Variants in PPIL6 observed in about 807,000 individuals in gnomAD.
The protein encoded by PPIL6 is probable inactive peptidyl-prolyl cis-trans isomerase-like 6.
PPIL6 carries 39 observed loss-of-function variants against 36.8 expected under a neutral mutation model. That is an observed-to-expected ratio of 1.06 (90% CI 0.82 to 1.38). The LOEUF is 1.38. Among genes scored for constraint, PPIL6 ranks in the 40% most tolerant of loss-of-function variants. The pLI, the probability that PPIL6 is intolerant of heterozygous loss-of-function variation, is 0.00. For synonymous variants in PPIL6, 123 were observed against 134.1 expected, an observed-to-expected ratio of 0.92 and a Z score of 0.57; for missense variants, 368 against 379.1, an observed-to-expected ratio of 0.97 and a Z score of 0.24.
intron 7 of PPIL6, among the ~76,000 whole-genome samples, chr6:109,399,147 G>A (rs6929023): frequency 0.31 from 47,025 of 151,604 alleles, 7,431 homozygotes; most frequent in Middle Eastern, 0.41. Context: ...TTGCTCTGTC[G>A]CCCAGGATGG....
At position 109,391,085 on chromosome 6, in the gene PPIL6, G is replaced by A. The variant is rs957486118; in HGVS notation, c.*1741C>T. The A allele has an allele frequency of 3.3e-5, 5 of 151,814 alleles. No individual in the cohort carries two copies. Among genetic ancestry groups the A allele is most frequent in the African/African-American group, 7.3e-5 (3 of 41,334 alleles). 9.4% of individuals were successfully genotyped at this position (151,814 alleles called of 1,614,324 possible). On this transcript the variant is annotated 3_prime_UTR_variant, in exon 8 of 8. Coordinates refer to ENST00000521072, the MANE Select transcript of PPIL6 (RefSeq NM_173672.5). ...GGGCGGATCACGAGGTCACAAGATCGGGACCATCCTGGCTAACATGGTGAA... is the reference window on the plus strand; with the variant it reads ...GGGCGGATCACGAGGTCACAAGATCAGGACCATCCTGGCTAACATGGTGAA...
chr6:109,401,026 A>ATTTTTTTTTTTTTT (rs749611966), intron 6 of PPIL6, among the ~76,000 whole-genome samples: 44 of 114,918 alleles, frequency 3.8e-4, no homozygotes, highest in African/African-American at 1.1e-3. Flanking sequence ...TGCCCGGCTA[A>ATTTTTTTTTTTTTT]TTTTTTTTTT....
Position 109,407,240 on chromosome 6 carries a change from CT to C in PPIL6, c.689-7071del, listed in dbSNP as rs111574045. Among the ~76,000 whole-genome samples the C allele has an allele frequency of 8.3e-4, 120 of 144,696 alleles. 1 individual carries two copies. The highest frequency in any genetic ancestry group is 3.5e-3 in the South Asian group (16 of 4,562). The allele number at this position is 144,696 out of a possible 152,430, so 94.9% of individuals were successfully genotyped here. On this transcript the variant is annotated intron_variant, in intron 6 of 7. Transcript: ENST00000521072. ...GTCATGTTCAGGACTATGGAATATT[CT>C]TTTTTTTTTTTTTCTTGAGATGGAG...
rs537395925 is a variant in PPIL6 at position 109,391,877 on chromosome 6, T to C, written c.*949A>G. The C allele has an allele frequency of 6.6e-6, 1 of 152,336 alleles. No homozygotes were observed. Among genetic ancestry groups the C allele is most frequent in the Non-Finnish European group, 1.5e-5 (1 of 68,034 alleles). 9.4% of individuals were successfully genotyped at this position (152,336 alleles called of 1,614,324 possible). A position where few individuals can be genotyped will look rare whatever the true frequency, so the allele number is the denominator to read the frequency against. Reference sequence around the variant, plus strand: ...AATGCTGGTATAAACAATGAAATATTACAATGAATTGCTTTTTCTTCTGCA... The same window carrying C: ...AATGCTGGTATAAACAATGAAATATCACAATGAATTGCTTTTTCTTCTGCA... On this transcript the variant is annotated 3_prime_UTR_variant, in exon 8 of 8. Coordinates refer to ENST00000521072, the MANE Select transcript of PPIL6 (RefSeq NM_173672.5).
At chr6:109,417,272 T>C (rs1283465473) in intron 6 of PPIL6, among the ~76,000 whole-genome samples, 1 of 151,388 alleles carries the variant, frequency 6.6e-6, no homozygotes, top group South Asian at 2.1e-4. Context: ...CTCCAAAAAA[T>C]GGTCCTCCAA....
chr6:109,439,358 TA>T (rs1774653468), intron 1 of PPIL6, among the ~76,000 whole-genome samples: 1 of 152,168 alleles, frequency 6.6e-6, no homozygotes, highest in Admixed American at 6.5e-5. Context: ...GTTTTCTTTT[TA>T]TTATTTATTT....
intron 5 of PPIL6, among the ~76,000 whole-genome samples, chr6:109,420,471 T>C (rs1773488150): frequency 1.3e-5 from 2 of 152,008 alleles, no homozygotes. Flanking sequence ...AAGTTTCCTA[T>C]AATGTAACAA....
At chr6:109,408,666 A>T (rs1181145885) in intron 6 of PPIL6, among the ~76,000 whole-genome samples, 1 of 152,142 alleles carries the variant, frequency 6.6e-6, no homozygotes, top group Non-Finnish European at 1.5e-5. Flanking sequence ...TATTTTAGGG[A>T]AGTTTTCTTT....
rs150075692 is a variant in PPIL6, at chr6:109,430,779, C to A, written c.420+378G>T. Among the ~76,000 whole-genome samples the A allele has an allele frequency of 2.3e-3, 346 of 152,320 alleles. 3 individuals are homozygous for A. The highest frequency in any genetic ancestry group is 7.8e-3 in the African/African-American group (323 of 41,586). On this transcript the variant is annotated intron_variant, in intron 3 of 7. Transcript: ENST00000521072. The stretch of plus-strand genomic sequence containing the variant: ...TTCAAACAACTTTCCATTCTCTTAG[C>A]TCAGCAGCTCTTGCCTAGATGTTGG...
rs540144004 is a variant in PPIL6, at chr6:109,420,226, G to T, written c.632-983C>A. 1.4e-4 allele frequency among the ~76,000 whole-genome samples: 21 copies of T among 149,836 alleles called. No homozygotes were observed. In the East Asian group the frequency reaches 3.8e-3, roughly 27 times the overall value. On this transcript the variant is annotated intron_variant, in intron 5 of 7. Transcript: ENST00000521072. ...CTGGTGCCTGTAATCCCAGCTACTC[G>T]GGAGGCTGAGGCAGGAGAATTGCTT...
In PPIL6 at chr6:109,408,216, A is replaced by G. The variant is rs148300628; in HGVS notation, c.689-8046T>C. On this transcript the variant is annotated intron_variant, in intron 6 of 7. Transcript: ENST00000521072. ...ACATTTCCTTTGCTTGAGTTCATAA[A>G]TATATTATTCCATTTTCTTCTGGCA... 5.2e-4 allele frequency among the ~76,000 whole-genome samples: 79 copies of G among 152,318 alleles called. 1 individual carries two copies. The highest frequency in any genetic ancestry group is 1.9e-3 in the African/African-American group (78 of 41,570).
rs534344058 is a variant in PPIL6 at position 109,399,305 on chromosome 6, C to T, written c.824+730G>A. ...TGTATTTTTAGTGGAGATGGGGTTTCGCCATGTTGGCCAGGCTGGTCTGGA... is the reference window on the plus strand; with the variant it reads ...TGTATTTTTAGTGGAGATGGGGTTTTGCCATGTTGGCCAGGCTGGTCTGGA... On this transcript the variant is annotated intron_variant, in intron 7 of 7. Coordinates refer to ENST00000521072, the MANE Select transcript of PPIL6 (RefSeq NM_173672.5). Among the ~76,000 whole-genome samples, 95 of 152,154 alleles carry T rather than the reference C, an allele frequency of 6.2e-4. 1 individual carries two copies. The highest frequency in any genetic ancestry group is 1.8e-3 in the African/African-American group (76 of 41,504).
intron 6 of PPIL6, 74 bp downstream of exon 6, chr6:109,419,113 T>C (rs559455640): frequency 4.4e-6 from 4 of 901,618 alleles, no homozygotes; most frequent in East Asian, 4.9e-5. Context: ...TTATTTGGAA[T>C]TGTGAAACTG....
intron 6 of PPIL6, 64 bp from the exon 7 acceptor site, chr6:109,400,234 A>G: frequency 2.9e-6 from 4 of 1,387,182 alleles, no homozygotes; most frequent in Non-Finnish European, 3.0e-6. Flanking sequence ...ATTGTAACAT[A>G]TAAGGAACAA....
chr6:109,414,213 C>T (rs1272696722), intron 6 of PPIL6, among the ~76,000 whole-genome samples: 1 of 152,084 alleles, frequency 6.6e-6, no homozygotes, highest in Non-Finnish European at 1.5e-5. Context: ...ATCTCAGGTA[C>T]CTCATAAAGA....
chr6:109,430,301 C>T (rs1774062687), intron 3 of PPIL6, among the ~76,000 whole-genome samples: 1 of 152,228 alleles, frequency 6.6e-6, no homozygotes, highest in Non-Finnish European at 1.5e-5. Flanking sequence ...TACCTCCACC[C>T]CTACTGCCAT....
At position 109,431,359 on chromosome 6, in the gene PPIL6, G is replaced by GAAAAA; in HGVS notation, c.232-15_232-14insTTTTT. 1 of 1,223,826 alleles carries GAAAAA rather than the reference G, an allele frequency of 8.2e-7. No individual in the cohort carries two copies. The highest frequency in any genetic ancestry group is 2.9e-5 in the African/African-American group (1 of 33,942). The allele number at this position is 1,223,826 out of a possible 1,614,324, so 75.8% of individuals were successfully genotyped here. A position where few individuals can be genotyped will look rare whatever the true frequency, so the allele number is the denominator to read the frequency against. ...ATTTTTGAGTTCCTGTAAGGGAAAA[G>GAAAAA]GACAAAAAAAAAAAAAAACGTAAGA... On this transcript the variant is annotated splice_polypyrimidine_tract_variant and intron_variant, in intron 2 of 7. Coordinates refer to ENST00000521072, the MANE Select transcript of PPIL6 (RefSeq NM_173672.5).
intron 6 of PPIL6, among the ~76,000 whole-genome samples, chr6:109,409,252 G>C (rs1562260287): frequency 6.6e-6 from 1 of 152,094 alleles, no homozygotes; most frequent in African/African-American, 2.4e-5. Context: ...AGAAATAAAG[G>C]GGGTCCAAAT....
At chr6:109,430,956 G>A (rs911294705) in intron 3 of PPIL6, among the ~76,000 whole-genome samples, 2 of 152,140 alleles carry the variant, frequency 1.3e-5, no homozygotes, top group East Asian at 1.9e-4. Flanking sequence ...TGATCTCCCC[G>A]TGCAGCCCAC....
Sources: allele counts gnomAD v4.1 joint callset (sites outside exome capture counted in the v4.1 genomes callset), GRCh38; gene constraint gnomAD v4.1.1; transcripts MANE v1.5; gene names NCBI Gene and HGNC (gene_info 2026-07-23, HGNC 2026-07-21).